DLG5: variants seen among roughly 807,000 people sequenced by gnomAD.
DLG5 encodes the protein discs large MAGUK scaffold protein 5.
DLG5 carries 48 observed loss-of-function variants against 189.8 expected under a neutral mutation model. The observed-to-expected ratio is 0.25, with a 90% CI of 0.20 to 0.32. DLG5 has a LOEUF of 0.32. DLG5 is among the 10% of genes least tolerant of loss of function. DLG5 has a pLI of 1.00. For synonymous variants in DLG5, 1,016 were observed against 1,054.1 expected (o/e 0.96, Z 0.70); for missense variants, 2,160 against 2,544.7 (o/e 0.85, Z 3.25).
At chr10:77,835,421 A>G (rs1843077616) in intron 8 of DLG5, among the ~76,000 whole-genome samples, 1 of 152,118 alleles carries the variant, frequency 6.6e-6, no homozygotes, top group Non-Finnish European at 1.5e-5. Context: ...GAAAGGACAC[A>G]CTTCGGATGT....
At chr10:77,937,011 T>G in the DLG5 span, among the ~76,000 whole-genome samples, 1 of 152,112 alleles carries the variant, frequency 6.6e-6, no homozygotes, top group Non-Finnish European at 1.5e-5. Flanking sequence ...GCAGATTATC[T>G]CCTGGTCAGC....
the DLG5 span, among the ~76,000 whole-genome samples, chr10:77,937,862 T>A: frequency 6.8e-6 from 1 of 146,428 alleles, no homozygotes; most frequent in East Asian, 2.0e-4. Context: ...GGATTACAGG[T>A]GCACTCAGCT....
In DLG5 at chr10:77,821,248, G is replaced by C. The variant is rs754386756; in HGVS notation, c.3236C>G (p.Pro1079Arg). The change falls in exon 15 of 32, where the codon CCT becomes CGT. Residue 1079 changes from proline to arginine, a missense_variant. By Grantham distance (103) the Pro-to-Arg change is moderately radical (BLOSUM62 -2). Coordinates refer to ENST00000372391, the MANE Select transcript of DLG5 (RefSeq NM_004747.4). Reference sequence around the variant, plus strand: ...GTGGGAGGAGTCCCCATCTCCTTCAGGGTAGTAGCTGGAAGCAATGCGGAC... The same window carrying C: ...GTGGGAGGAGTCCCCATCTCCTTCACGGTAGTAGCTGGAAGCAATGCGGAC... Reference protein sequence around the residue: ...ARVRIASSYYPEGDGDSSHLP... With the variant: ...ARVRIASSYYREGDGDSSHLP... 3 of 1,613,918 alleles carry C rather than the reference G, an allele frequency of 1.9e-6. No homozygotes were observed. The highest frequency in any genetic ancestry group is 2.7e-5 in the African/African-American group (2 of 74,942).
intron 7 of DLG5, among the ~76,000 whole-genome samples, chr10:77,837,214 CAAAAAAAAAAAAAA>C (rs10531052): frequency 2.9e-5 from 2 of 69,712 alleles, no homozygotes; most frequent in Non-Finnish European, 2.7e-5. Context: ...GACTCGGTCT[CAAAAAAAAAAAAAA>C]AAAAAAAAAA....
intron 7 of DLG5, among the ~76,000 whole-genome samples, chr10:77,839,932 G>A (rs533979401): frequency 6.6e-6 from 1 of 152,210 alleles, no homozygotes; most frequent in Non-Finnish European, 1.5e-5. Flanking sequence ...GTTTAATGAG[G>A]TTCACCCTAA....
the DLG5 span, among the ~76,000 whole-genome samples, chr10:77,937,858 C>T: frequency 6.8e-6 from 1 of 146,172 alleles, no homozygotes; most frequent in Admixed American, 7.0e-5. Flanking sequence ...GCTGGGATTA[C>T]AGGTGCACTC....
chr10:77,898,576 T>A (rs897920122), intron 1 of DLG5, among the ~76,000 whole-genome samples: 1 of 152,218 alleles, frequency 6.6e-6, no homozygotes, highest in Admixed American at 6.5e-5. Flanking sequence ...AATAGAGTTA[T>A]CTTTTAATCC....
At chr10:77,878,781 C>T (rs1171187790) in intron 1 of DLG5, among the ~76,000 whole-genome samples, 2 of 152,160 alleles carry the variant, frequency 1.3e-5, no homozygotes, top group African/African-American at 4.8e-5. Flanking sequence ...CTCTGGTTCA[C>T]AAAGAAAAAA....
At chr10:77,924,404 G>A (rs996392734) in intron 1 of DLG5, among the ~76,000 whole-genome samples, 1 of 152,020 alleles carries the variant, frequency 6.6e-6, no homozygotes, top group African/African-American at 2.4e-5. Flanking sequence ...ACACGGAAAG[G>A]GTGAGACCTA....
intron 20 of DLG5, among the ~76,000 whole-genome samples, chr10:77,814,320 G>A (rs11002301): frequency 0.3 from 46,128 of 151,470 alleles, 7,233 homozygotes; most frequent in Non-Finnish European, 0.35. Flanking sequence ...GATTTGAATT[G>A]TTTGTAATAT....
chr10:77,809,628 A>G lies in DLG5; in HGVS notation c.4566T>C (p.His1522=). The G allele has an allele frequency of 3.1e-6, 5 of 1,614,140 alleles. No homozygotes were observed. The highest frequency in any genetic ancestry group is 3.4e-6 in the Non-Finnish European group (4 of 1,180,008). ...LGVHLCGGNL[H]GVFVAEVEDD... is the part of the protein sequence containing the mutation. ...CCTCCACCTCGGCCACAAACACCCC[A>G]TGCAGGTTCCCACCACACAAGTGCA... Residue 1522 remains histidine (H), a synonymous_variant, in exon 24 of 32, where the codon CAT becomes CAC. Transcript: ENST00000372391.
At chr10:77,844,851 G>A (rs567030490) in intron 5 of DLG5, among the ~76,000 whole-genome samples, 21 of 152,350 alleles carry the variant, frequency 1.4e-4, no homozygotes, top group South Asian at 6.2e-4. Flanking sequence ...GAAGAGCAGC[G>A]AGAGCACACT....
intron 2 of DLG5, among the ~76,000 whole-genome samples, chr10:77,864,627 C>T (rs538260451): frequency 3.9e-5 from 6 of 152,352 alleles, no homozygotes; most frequent in Admixed American, 1.3e-4. Flanking sequence ...TGCAGCACTC[C>T]GTGTGGTAAA....
rs35917139 is a variant in DLG5 at position 77,797,606 on chromosome 10, G to A, written c.5165-1012C>T. The stretch of plus-strand genomic sequence containing the variant: ...GGATGAGAGTCTCCAGAAAGAGCAG[G>A]GCAAGAGGATGAGTATGGAGATGAT... On this transcript the variant is annotated intron_variant, in intron 27 of 31. Coordinates refer to ENST00000372391, the MANE Select transcript of DLG5 (RefSeq NM_004747.4). Among the ~76,000 whole-genome samples, 1,230 of 152,282 alleles carry A rather than the reference G, an allele frequency of 8.1e-3. 15 individuals carry two copies. Among genetic ancestry groups the A allele is most frequent in the Middle Eastern group, 0.017 (5 of 294 alleles).
At chr10:77,897,666 G>C (rs1845802768) in intron 1 of DLG5, among the ~76,000 whole-genome samples, 1 of 142,914 alleles carries the variant, frequency 7.0e-6, no homozygotes, top group South Asian at 2.4e-4. Flanking sequence ...TCTACAAAGA[G>C]AGAAAGAGAA....
rs16935381 is a variant in DLG5, at chr10:77,805,771, C to A, written c.5058G>T (p.Arg1686=). ...GCTTGTGTTTCCTCCGAAAAAAGGA[C>A]CGGCGTGCAGCCGCTGACAGCGTCT... The part of the protein sequence containing the change: ...ATKTLSAAAR[R]SFFRRKHKHK... The change falls in exon 27 of 32, where the codon CGG becomes CGT. Residue 1686 remains arginine (R), a synonymous_variant. Coordinates refer to ENST00000372391, the MANE Select transcript of DLG5 (RefSeq NM_004747.4). 6.2e-7 allele frequency: 1 copy of A among 1,614,156 alleles called. No homozygotes were observed. Among genetic ancestry groups the A allele is most frequent in the South Asian group, 1.1e-5 (1 of 91,088 alleles).
intron 9 of DLG5, among the ~76,000 whole-genome samples, chr10:77,833,311 C>T (rs1025108128): frequency 2.0e-5 from 3 of 150,792 alleles, no homozygotes; most frequent in Non-Finnish European, 4.4e-5. Flanking sequence ...ATAACACAAG[C>T]AGAACAGACT....
At chr10:77,930,915 G>A (rs1031209141), upstream of DLG5, among the ~76,000 whole-genome samples, 6 of 145,744 alleles carry the variant, frequency 4.1e-5, no homozygotes, top group Non-Finnish European at 7.4e-5. Context: ...CCACCTTCCA[G>A]ATTCAAGCGA....
chr10:77,925,923 C>A (rs1033522842), intron 1 of DLG5, among the ~76,000 whole-genome samples: 2 of 152,332 alleles, frequency 1.3e-5, no homozygotes, highest in African/African-American at 4.8e-5. Flanking sequence ...TGGACATCCT[C>A]CGAGGTACCC....
Sources: gnomAD v4.1 joint callset for allele counts (sites outside exome capture counted in the v4.1 genomes callset) on GRCh38, gnomAD v4.1.1 for gene constraint, MANE v1.5 for transcripts, NCBI Gene and HGNC (gene_info 2026-07-23, HGNC 2026-07-21) for gene names.